The following NEK1 variants were observed in gnomAD, a reference collection of about 807,000 sequenced individuals.
NEK1 encodes serine/threonine-protein kinase Nek1.
NEK1 carries 137 observed loss-of-function variants against 182.1 expected under a neutral mutation model. The observed-to-expected ratio is 0.75, with a 90% CI of 0.65 to 0.87. The LOEUF (loss-of-function observed/expected upper bound fraction) is 0.87, where lower values mean the gene tolerates loss of function less well. Ranked by LOEUF, NEK1 falls within the 40% of genes least tolerant of loss-of-function variation. NEK1 has a pLI of 0.00. For missense variants in NEK1, 1,391 were observed against 1,494.4 expected (o/e 0.93, Z 1.14); for synonymous variants, 513 against 492.2 (o/e 1.04, Z -0.56).
In NEK1 at chr4:169,535,741, G is replaced by A. The variant is rs559866881; in HGVS notation, c.1665+2068C>T. Among the ~76,000 whole-genome samples, 14 of 151,438 alleles carry A rather than the reference G, an allele frequency of 9.2e-5. No individual in the cohort carries two copies. In the East Asian group the frequency reaches 1.2e-3, roughly 13 times the overall value. On this transcript the variant is annotated intron_variant, in intron 19 of 35. Coordinates refer to ENST00000507142, the MANE Select transcript of NEK1 (RefSeq NM_001199397.3). ...TAAAAATACAAAATATTAGCCCAGC[G>A]TGGTGACAGACGCCTGGAATCCCAG... is the stretch of plus-strand genomic sequence containing the variant.
intron 29 of NEK1, among the ~76,000 whole-genome samples, chr4:169,427,691 T>C (rs1736639773): frequency 6.6e-6 from 1 of 151,600 alleles, no homozygotes; most frequent in African/African-American, 2.4e-5. Flanking sequence ...AGATGGGGTT[T>C]TGCCATGTTG....
chr4:169,557,590 A>C (rs913096273), intron 16 of NEK1, among the ~76,000 whole-genome samples: 2 of 152,156 alleles, frequency 1.3e-5, no homozygotes, highest in East Asian at 3.8e-4. Flanking sequence ...GAGAGTAAAA[A>C]AGGGAAAACT....
intron 19 of NEK1, among the ~76,000 whole-genome samples, chr4:169,513,945 A>G (rs962269701): frequency 6.7e-6 from 1 of 149,424 alleles, no homozygotes; most frequent in African/African-American, 2.5e-5. Flanking sequence ...ATAATTTACT[A>G]AAATTTTATT....
chr4:169,532,863 A>C (rs1757894450), intron 19 of NEK1, among the ~76,000 whole-genome samples: 1 of 151,994 alleles, frequency 6.6e-6, no homozygotes, highest in African/African-American at 2.4e-5. Context: ...GAGGTGGAAG[A>C]ATCAACCGAG....
rs758786038 is a variant in NEK1 at position 169,562,146 on chromosome 4, T to C, written c.1071A>G (p.Lys357=). 1 of 1,542,198 alleles carries C rather than the reference T, an allele frequency of 6.5e-7. No individual in the cohort carries two copies. The highest frequency in any genetic ancestry group is 8.8e-7 in the Non-Finnish European group (1 of 1,140,192). Reference sequence around the variant, plus strand: ...ACAGATGTCTTTATACCTCAGATATTTTCCTCCTTTCTTCTCCAGTATTCA... The same window carrying C: ...ACAGATGTCTTTATACCTCAGATATCTTCCTCCTTTCTTCTCCAGTATTCA... ...KRVNTGEERR[K]ISEEAARKRR... Residue 357 remains lysine (K), a synonymous_variant, in exon 13 of 36, where the codon AAA becomes AAG. Coordinates refer to ENST00000507142, the MANE Select transcript of NEK1 (RefSeq NM_001199397.3).
At chr4:169,556,133 A>G in intron 16 of NEK1, 38 bp from the exon 17 acceptor site, 1 of 1,585,660 alleles carries the variant, frequency 6.3e-7, no homozygotes, top group Non-Finnish European at 8.6e-7. Flanking sequence ...TGTTTATCTT[A>G]TAAGGCCTAA....
intron 26 of NEK1, among the ~76,000 whole-genome samples, chr4:169,470,178 G>A (rs1745693709): frequency 6.6e-6 from 1 of 152,084 alleles, no homozygotes; most frequent in African/African-American, 2.4e-5. Context: ...TATGATGCTA[G>A]CTGGTTACTC....
intron 31 of NEK1, among the ~76,000 whole-genome samples, chr4:169,408,645 G>T (rs1733071423): frequency 6.6e-6 from 1 of 151,898 alleles, no homozygotes; most frequent in Non-Finnish European, 1.5e-5. Flanking sequence ...CCCTTGAGTC[G>T]CCGAAGTCCA....
intron 19 of NEK1, among the ~76,000 whole-genome samples, chr4:169,536,731 T>G (rs931477574): frequency 3.3e-4 from 50 of 152,162 alleles, no homozygotes; most frequent in African/African-American, 1.1e-3. Context: ...ATTAGTAAAT[T>G]TCAGTAAGCC....
At position 169,511,244 on chromosome 4, in the gene NEK1, G is replaced by C. The variant is rs543097039; in HGVS notation, c.1666-2392C>G. Among the ~76,000 whole-genome samples, 175 of 152,126 alleles carry C rather than the reference G, an allele frequency of 1.2e-3. 2 individuals are homozygous for C. The highest frequency in any genetic ancestry group is 3.9e-3 in the African/African-American group (161 of 41,530). On this transcript the variant is annotated intron_variant, in intron 19 of 35. Transcript: ENST00000507142. The stretch of plus-strand genomic sequence containing the variant: ...TCACTCAGTTTCCTCCCCTCTTCAA[G>C]AAGGCCCTTGCAATAGCTTATCAGT...
At chr4:169,563,369 A>C (rs1485285425) in intron 12 of NEK1, among the ~76,000 whole-genome samples, 4 of 150,698 alleles carry the variant, frequency 2.7e-5, no homozygotes, top group African/African-American at 7.4e-5. Flanking sequence ...AAAAAAAAAT[A>C]AAAATAAAAA....
At chr4:169,517,141 G>C (rs1755351653) in intron 19 of NEK1, among the ~76,000 whole-genome samples, 1 of 4,104 alleles carries the variant, frequency 2.4e-4, no homozygotes, top group Non-Finnish European at 3.5e-4. Flanking sequence ...CTTGAGCATG[G>C]AATGTTCTTC....
chr4:169,604,680 A>C (rs1415415659), intron 2 of NEK1, among the ~76,000 whole-genome samples: 1 of 152,160 alleles, frequency 6.6e-6, no homozygotes, highest in Non-Finnish European at 1.5e-5. Context: ...AAATGATCCA[A>C]TCTCCTTAAA....
At chr4:169,550,939 A>G (rs1424099770) in intron 18 of NEK1, among the ~76,000 whole-genome samples, 1 of 152,228 alleles carries the variant, frequency 6.6e-6, no homozygotes, top group African/African-American at 2.4e-5. Flanking sequence ...AGTGCTACAC[A>G]TATTGATTTT....
rs538650875 is a variant in NEK1, at chr4:169,584,944, G to C, written c.807+405C>G. Among the ~76,000 whole-genome samples the C allele has an allele frequency of 3.3e-5, 5 of 152,280 alleles. No individual in the cohort carries two copies. In the East Asian group the frequency reaches 7.7e-4, roughly 24 times the overall value. On this transcript the variant is annotated intron_variant, in intron 10 of 35. Coordinates refer to ENST00000507142, the MANE Select transcript of NEK1 (RefSeq NM_001199397.3). ...TTCACACCTATAATCCCAGCACTTT[G>C]GAAGGCCAAGGTGGGATGATCACCT... is the stretch of plus-strand genomic sequence containing the variant.
chr4:169,550,059 C>T (rs116276695), intron 18 of NEK1, among the ~76,000 whole-genome samples: 1,689 of 152,228 alleles, frequency 0.011, 20 homozygotes, highest in Non-Finnish European at 0.018. Flanking sequence ...GCTGTGTCCC[C>T]ACCCAAATCT....
intron 23 of NEK1, among the ~76,000 whole-genome samples, chr4:169,493,636 T>C (rs1750545599): frequency 6.6e-6 from 1 of 152,128 alleles, no homozygotes; most frequent in Non-Finnish European, 1.5e-5. Flanking sequence ...TATGGGAATT[T>C]CAAAATACAG....
At chr4:169,453,673 GC>G (rs1202337217) in intron 27 of NEK1, among the ~76,000 whole-genome samples, 23 of 152,234 alleles carry the variant, frequency 1.5e-4, no homozygotes. Flanking sequence ...CAGTTAACTA[GC>G]CCAACCTATT....
At chr4:169,398,310 T>C (rs946628047) in intron 35 of NEK1, among the ~76,000 whole-genome samples, 4 of 152,132 alleles carry the variant, frequency 2.6e-5, no homozygotes, top group Non-Finnish European at 4.4e-5. Flanking sequence ...GTTTTTTTTT[T>C]TTTACTGGGG....
Sources: allele counts gnomAD v4.1 joint callset (sites outside exome capture counted in the v4.1 genomes callset), GRCh38; gene constraint gnomAD v4.1.1; transcripts MANE v1.5; gene names NCBI Gene and HGNC (gene_info 2026-07-23, HGNC 2026-07-21).